The following WDPCP variants were observed in gnomAD, a reference collection of about 807,000 sequenced individuals.
The protein encoded by WDPCP is WD repeat containing planar cell polarity effector.
Under a neutral mutation model 93.1 loss-of-function variants are expected in WDPCP, and 71 were observed. That is an observed-to-expected ratio of 0.76 (90% CI 0.63 to 0.93). WDPCP has a LOEUF of 0.93. WDPCP is among the 40% of genes least tolerant of loss of function. The pLI is 0.00. For synonymous variants in WDPCP, 315 were observed against 315.0 expected (o/e 1.00, Z 0.00); for missense variants, 844 against 887.4 (o/e 0.95, Z 0.62).
At chr2:63,537,987 C>G (rs75858015) in intron 1 of WDPCP, among the ~76,000 whole-genome samples, 1 of 152,002 alleles carries the variant, frequency 6.6e-6, no homozygotes, top group East Asian at 1.9e-4. Flanking sequence ...GCATAAGTCC[C>G]GCATGGCAAA....
chr2:63,138,385 T>C (rs1417100302), intron 17 of WDPCP, among the ~76,000 whole-genome samples: 1 of 152,086 alleles, frequency 6.6e-6, no homozygotes, highest in Non-Finnish European at 1.5e-5. Context: ...TGCTATTTTA[T>C]TTTAATTAAT....
At chr2:63,670,239 A>G (rs1710329609) in intron 2 of WDPCP, among the ~76,000 whole-genome samples, 1 of 152,152 alleles carries the variant, frequency 6.6e-6, no homozygotes, top group African/African-American at 2.4e-5. Context: ...CCAGGCTTTT[A>G]TATCACCAGG....
At chr2:63,235,268 C>G (rs1008751073) in intron 14 of WDPCP, among the ~76,000 whole-genome samples, 1 of 152,050 alleles carries the variant, frequency 6.6e-6, no homozygotes, top group East Asian at 1.9e-4. Context: ...CTCCTGGAAA[C>G]ACACAACCAC....
chr2:63,288,874 G>A (rs1289097074), intron 13 of WDPCP, among the ~76,000 whole-genome samples: 1 of 151,882 alleles, frequency 6.6e-6, no homozygotes, highest in African/African-American at 2.4e-5. Context: ...GAAGAGTATA[G>A]GCTGGTTATT....
intron 2 of WDPCP, among the ~76,000 whole-genome samples, chr2:63,698,349 A>C (rs966000645): frequency 2.6e-5 from 4 of 152,180 alleles, no homozygotes; most frequent in Admixed American, 2.6e-4. Flanking sequence ...CATCCTATGG[A>C]AAGCTTTCAA....
intron 2 of WDPCP, among the ~76,000 whole-genome samples, chr2:63,786,411 C>CT (rs1431633390): frequency 6.6e-6 from 1 of 152,140 alleles, no homozygotes; most frequent in Non-Finnish European, 1.5e-5. Flanking sequence ...GAGAATGGCT[C>CT]TATGCAGTTT....
chr2:63,794,480 A>G (rs970885473), intron 2 of WDPCP, among the ~76,000 whole-genome samples: 1 of 152,238 alleles, frequency 6.6e-6, no homozygotes, highest in Non-Finnish European at 1.5e-5. Context: ...CTGCTAAAGA[A>G]AAAGTTTCCT....
At chr2:63,495,680 A>C (rs918042339) in intron 1 of WDPCP, among the ~76,000 whole-genome samples, 1 of 151,300 alleles carries the variant, frequency 6.6e-6, no homozygotes, top group African/African-American at 2.5e-5. Flanking sequence ...AAATGGGTAT[A>C]ATAAAGTACC....
rs111256921 is a variant in WDPCP at position 63,730,946 on chromosome 2, G to GAA, written n.309-80110_309-80109dup. 3.5e-4 allele frequency among the ~76,000 whole-genome samples: 51 copies of GAA among 144,160 alleles called. 1 individual carries two copies. Among genetic ancestry groups the GAA allele is most frequent in the African/African-American group, 1.2e-3 (46 of 39,430 alleles). 94.6% of individuals were successfully genotyped at this position (144,160 alleles called of 152,430 possible). ...AGAAAGGTAAAATAGCCAAGTACATGAAAAAAAAAAAATACAAGCACTATC... is the reference window on the plus strand; with the variant it reads ...AGAAAGGTAAAATAGCCAAGTACATGAAAAAAAAAAAAAATACAAGCACTATC... On this transcript the variant is annotated intron_variant and non_coding_transcript_variant, in intron 2 of 4. Transcript: ENST00000467687.
chr2:63,631,744 C>T (rs976710263), intron 3 of WDPCP, among the ~76,000 whole-genome samples: 3 of 152,190 alleles, frequency 2.0e-5, no homozygotes, highest in South Asian at 2.1e-4. Flanking sequence ...TAGGGGCTAT[C>T]TTTATCAGCC....
At chr2:63,542,801 T>A (rs1704843098) in intron 1 of WDPCP, among the ~76,000 whole-genome samples, 1 of 152,140 alleles carries the variant, frequency 6.6e-6, no homozygotes, top group African/African-American at 2.4e-5. Context: ...CATATGTATG[T>A]CCATGAGTCT....
At chr2:63,305,137 G>A (rs1685629316) in intron 13 of WDPCP, among the ~76,000 whole-genome samples, 1 of 152,162 alleles carries the variant, frequency 6.6e-6, no homozygotes, top group African/African-American at 2.4e-5. Flanking sequence ...CTGGGACAGA[G>A]CACCTGGGGG....
At chr2:63,142,630 T>C (rs1398608726) in intron 17 of WDPCP, among the ~76,000 whole-genome samples, 4 of 152,214 alleles carry the variant, frequency 2.6e-5, no homozygotes, top group Non-Finnish European at 5.9e-5. Flanking sequence ...TGTTTATATA[T>C]GTTAAGTCCA....
chr2:63,692,236 G>A (rs970592154), intron 2 of WDPCP, among the ~76,000 whole-genome samples: 11 of 151,836 alleles, frequency 7.2e-5, no homozygotes, highest in South Asian at 2.1e-4. Flanking sequence ...AAAAAATCAC[G>A]ACATAATTTA....
chr2:63,646,158 G>A (rs541750204), intron 3 of WDPCP, among the ~76,000 whole-genome samples: 2 of 151,596 alleles, frequency 1.3e-5, no homozygotes, highest in Admixed American at 1.3e-4. Flanking sequence ...TTTATATTTT[G>A]TGTATTCATT....
chr2:63,575,421 G>GTA (rs768124525), intron 1 of WDPCP, among the ~76,000 whole-genome samples: 695 of 53,646 alleles, frequency 0.013, 102 homozygotes, highest in Middle Eastern at 0.025. Flanking sequence ...TATATACACT[G>GTA]TATACAGTGT....
intron 2 of WDPCP, among the ~76,000 whole-genome samples, chr2:63,678,146 A>G (rs745448554): frequency 3.9e-5 from 6 of 152,246 alleles, no homozygotes; most frequent in Non-Finnish European, 7.3e-5. Flanking sequence ...AGTTGCCGAA[A>G]GTAATCAAGG....
chr2:63,827,900 T>C (rs1671137846), upstream of WDPCP: 1 of 152,142 alleles, frequency 6.6e-6, no homozygotes, highest in African/African-American at 2.4e-5. Flanking sequence ...TTGGGTGCAG[T>C]TTCATGGGGG....
intron 9 of WDPCP, among the ~76,000 whole-genome samples, chr2:63,424,399 C>G (rs1419195792): frequency 1.3e-5 from 2 of 152,170 alleles, no homozygotes. Flanking sequence ...CTGTCTTTCT[C>G]ATAAGACTGA....
Sources: gnomAD v4.1 joint callset for allele counts (sites outside exome capture counted in the v4.1 genomes callset) on GRCh38, gnomAD v4.1.1 for gene constraint, MANE v1.5 for transcripts, NCBI Gene and HGNC (gene_info 2026-07-23, HGNC 2026-07-21) for gene names.